The following TM4SF20 variants were observed in gnomAD, a reference collection of about 807,000 sequenced individuals.
TM4SF20 encodes the protein transmembrane 4 L six family member 20.
TM4SF20 carries 13 observed loss-of-function variants against 15.1 expected under a neutral mutation model. The observed-to-expected ratio is 0.86, with a 90% CI of 0.56 to 1.36. The LOEUF (loss-of-function observed/expected upper bound fraction) is 1.36, where lower values mean the gene tolerates loss of function less well. TM4SF20 is among the 40% of genes most tolerant of loss of function. The pLI, the probability that TM4SF20 is intolerant of heterozygous loss-of-function variation, is 0.00. For missense variants in TM4SF20, 282 were observed against 268.4 expected, an observed-to-expected ratio of 1.05 and a Z score of -0.35; for synonymous variants, 92 against 96.6, an observed-to-expected ratio of 0.95 and a Z score of 0.28.
intron 1 of TM4SF20, among the ~76,000 whole-genome samples, chr2:227,375,052 G>A (rs753417287): frequency 3.3e-5 from 5 of 151,704 alleles, no homozygotes; most frequent in East Asian, 4.0e-4. Flanking sequence ...TCAGCCTCCC[G>A]AGTAGCTGGG....
intron 1 of TM4SF20, among the ~76,000 whole-genome samples, chr2:227,376,758 G>A (rs1462779220): frequency 6.6e-6 from 1 of 152,224 alleles, no homozygotes; most frequent in East Asian, 1.9e-4. Flanking sequence ...CCTGAGACAG[G>A]TGTTGAGGAC....
Position 227,379,121 on chromosome 2 carries a change from A to G in TM4SF20, c.148T>C (p.Trp50Arg), listed in dbSNP as rs1421522150. The G allele has an allele frequency of 6.2e-7, 1 of 1,614,186 alleles. No individual in the cohort carries two copies. The highest frequency in any genetic ancestry group is 1.1e-5 in the South Asian group (1 of 91,088). The change falls in exon 1 of 4, where the codon TGG becomes CGG. Residue 50 changes from tryptophan (W) to arginine (R), a missense_variant. Coordinates refer to ENST00000304568, the MANE Select transcript of TM4SF20 (RefSeq NM_024795.4). ...FSQNPISCFE[W>R]WFPGIIGAGL... Reference sequence around the variant, plus strand: ...GCTCCTATAATTCCTGGGAACCACCACTCAAAGCAAGAGATGGGGTTTTGA... The same window carrying G: ...GCTCCTATAATTCCTGGGAACCACCGCTCAAAGCAAGAGATGGGGTTTTGA...
At chr2:227,365,936 T>C (rs1385885635) in intron 3 of TM4SF20, among the ~76,000 whole-genome samples, 157 bp downstream of exon 3, 1 of 152,236 alleles carries the variant, frequency 6.6e-6, no homozygotes, top group Admixed American at 6.5e-5. Flanking sequence ...GATGTGGAGT[T>C]GTGCTAACTG....
intron 1 of TM4SF20, among the ~76,000 whole-genome samples, chr2:227,376,264 T>G (rs2076450116): frequency 6.6e-6 from 1 of 152,254 alleles, no homozygotes. Context: ...TCACAGGCAG[T>G]GATTTCTTCT....
intron 1 of TM4SF20, among the ~76,000 whole-genome samples, chr2:227,374,603 G>A (rs2076438180): frequency 6.6e-6 from 1 of 152,154 alleles, no homozygotes; most frequent in Non-Finnish European, 1.5e-5. Context: ...AAAAAGGAAA[G>A]TAATATTGTT....
chr2:227,371,178 C>A (rs1046545478), intron 1 of TM4SF20, among the ~76,000 whole-genome samples, 198 bp from the exon 2 acceptor site: 2 of 152,172 alleles, frequency 1.3e-5, no homozygotes, highest in African/African-American at 4.8e-5. Flanking sequence ...GCGGCGGGAA[C>A]AGGGGAATTC....
upstream of TM4SF20, among the ~76,000 whole-genome samples, chr2:227,379,899 A>T (rs988881391): frequency 6.6e-6 from 1 of 152,260 alleles, no homozygotes; most frequent in Admixed American, 6.5e-5. Flanking sequence ...GGAGATTATC[A>T]TATTTTATTT....
At chr2:227,367,647 G>C (rs780780688) in intron 2 of TM4SF20, among the ~76,000 whole-genome samples, 1 of 152,162 alleles carries the variant, frequency 6.6e-6, no homozygotes, top group Non-Finnish European at 1.5e-5. Flanking sequence ...GCTCCCACAG[G>C]GTCTGTGTGT....
intron 3 of TM4SF20, among the ~76,000 whole-genome samples, chr2:227,364,261 A>G (rs1336529221): frequency 6.6e-6 from 1 of 152,116 alleles, no homozygotes. Flanking sequence ...ACGGTATGAA[A>G]CTGCTGTTTT....
Position 227,363,827 on chromosome 2 carries a change from A to C in TM4SF20, c.587T>G (p.Leu196Trp). Residue 196 changes from leucine (L) to tryptophan (W), a missense_variant, in exon 4 of 4, where the codon TTG (leucine) becomes TGG (tryptophan). Coordinates refer to ENST00000304568, the MANE Select transcript of TM4SF20 (RefSeq NM_024795.4). ...LIHFSVFLGL[L>W]LVGILEVLFG... is the part of the protein sequence containing the mutation. ...CAGGACCTCCAGAATTCCAACAAGC[A>C]ATAGACCTAAAAATACTGAGAAGTG... The C allele has an allele frequency of 6.2e-7, 1 of 1,614,178 alleles. No homozygotes were observed. The highest frequency in any genetic ancestry group is 8.5e-7 in the Non-Finnish European group (1 of 1,180,032).
chr2:227,366,090 T>C lies in TM4SF20; in HGVS notation c.401+3A>G. The C allele has an allele frequency of 6.2e-7, 1 of 1,611,884 alleles. No homozygotes were observed. Among genetic ancestry groups the C allele is most frequent in the Non-Finnish European group, 8.5e-7 (1 of 1,179,178 alleles). On this transcript the variant is annotated splice_donor_region_variant and intron_variant, in intron 3 of 3. Transcript: ENST00000304568. ...GTAAGCCTGTGAAAATCAAGTTACT[T>C]ACCTGATGTTTTTCAATGAAAATTC...
At chr2:227,370,148 C>A (rs1249930533) in intron 2 of TM4SF20, among the ~76,000 whole-genome samples, 1 of 152,060 alleles carries the variant, frequency 6.6e-6, no homozygotes, top group East Asian at 1.9e-4. Context: ...GGAAAAAAAC[C>A]TGGCAGCTCC....
At chr2:227,365,674 AAATTT>A (rs147157045) in intron 3 of TM4SF20, among the ~76,000 whole-genome samples, 39 of 152,316 alleles carry the variant, frequency 2.6e-4, no homozygotes, top group African/African-American at 8.7e-4. Flanking sequence ...CATGGTTGAC[AAATTT>A]AATTAGTTCA....
chr2:227,367,520 A>G (rs1376987155), intron 2 of TM4SF20, among the ~76,000 whole-genome samples: 1 of 152,210 alleles, frequency 6.6e-6, no homozygotes. Context: ...AAAGAAAAAA[A>G]AAAGAAGGAA....
Position 227,374,925 on chromosome 2 carries a change from C to CAAA in TM4SF20, c.184-3948_184-3946dup, listed in dbSNP as rs10680148. Among the ~76,000 whole-genome samples the CAAA allele has an allele frequency of 6.1e-3, 852 of 139,248 alleles. 5 individuals carry two copies. Among genetic ancestry groups the CAAA allele is most frequent in the African/African-American group, 9.9e-3 (363 of 36,576 alleles). 91.4% of individuals were successfully genotyped at this position (139,248 alleles called of 152,430 possible). A position where few individuals can be genotyped will look rare whatever the true frequency, so the allele number is the denominator to read the frequency against. On this transcript the variant is annotated intron_variant, in intron 1 of 3. Coordinates refer to ENST00000304568, the MANE Select transcript of TM4SF20 (RefSeq NM_024795.4). Reference sequence around the variant, plus strand: ...GGGCAATATAGTGAGACCCTATCTACAAAAAAAAAAAAAAAATTTTGAGAC... The same window carrying CAAA: ...GGGCAATATAGTGAGACCCTATCTACAAAAAAAAAAAAAAAAAAATTTTGAGAC...
chr2:227,372,714 TG>T lies in TM4SF20; in HGVS notation c.184-1735del, dbSNP rs1453690678. ...GCCCACATAGTTTTTTGTTTTGTTT[TG>T]TTTTTTTGAGACAGGGTCTCACTCT... On this transcript the variant is annotated intron_variant, in intron 1 of 3. Coordinates refer to ENST00000304568, the MANE Select transcript of TM4SF20 (RefSeq NM_024795.4). Among the ~76,000 whole-genome samples, 3 of 152,184 alleles carry T rather than the reference TG, an allele frequency of 2.0e-5. No individual in the cohort carries two copies. The East Asian group carries it at 5.8e-4, about 29-fold the overall frequency.
chr2:227,368,083 G>T (rs2106490001), intron 2 of TM4SF20, among the ~76,000 whole-genome samples: 1 of 146,730 alleles, frequency 6.8e-6, no homozygotes, highest in Non-Finnish European at 1.5e-5. Flanking sequence ...GAGTGCAGTG[G>T]CATGATCTCG....
intron 2 of TM4SF20, among the ~76,000 whole-genome samples, chr2:227,368,333 A>ATT (rs1427849107): frequency 1.9e-4 from 16 of 85,690 alleles, no homozygotes; most frequent in African/African-American, 8.8e-4. Context: ...GCCATCTATT[A>ATT]TTTATATATA....
chr2:227,375,422 A>G (rs540928290), intron 1 of TM4SF20, among the ~76,000 whole-genome samples: 1 of 152,244 alleles, frequency 6.6e-6, no homozygotes, highest in African/African-American at 2.4e-5. Context: ...AACCAAAGAA[A>G]ACCCACAAAA....
Sources: allele counts gnomAD v4.1 joint callset (sites outside exome capture counted in the v4.1 genomes callset), GRCh38; gene constraint gnomAD v4.1.1; transcripts MANE v1.5; gene names NCBI Gene and HGNC (gene_info 2026-07-23, HGNC 2026-07-21).